The following RERE variants were observed in gnomAD, a reference collection of about 807,000 sequenced individuals.
RERE encodes the protein arginine-glutamic acid dipeptide repeats protein.
Under a neutral mutation model 146.1 loss-of-function variants are expected in RERE, and 40 were observed. The observed-to-expected ratio is 0.27, with a 90% CI of 0.21 to 0.36. The LOEUF (loss-of-function observed/expected upper bound fraction) is 0.36. RERE is among the 10% of genes least tolerant of loss of function. The pLI, the probability that RERE is intolerant of heterozygous loss-of-function variation, is 1.00. For missense variants in RERE, 1,933 were observed against 2,138.7 expected (o/e 0.90, Z 1.90); for synonymous variants, 1,003 against 866.0 (o/e 1.16, Z -2.78).
intron 11 of RERE, among the ~76,000 whole-genome samples, chr1:8,441,836 TTCA>T (rs1557634087): frequency 6.6e-6 from 1 of 152,224 alleles, no homozygotes; most frequent in East Asian, 1.9e-4. Flanking sequence ...TTTCGTTGTT[TTCA>T]TCAACTGTGC....
chr1:8,357,735 G>A (rs1480133428), intron 20 of RERE, among the ~76,000 whole-genome samples: 6 of 152,216 alleles, frequency 3.9e-5, no homozygotes, highest in Admixed American at 2.6e-4. Flanking sequence ...GGGTCAGCTC[G>A]GAAAACTCAG....
At chr1:8,633,137 T>G (rs1242238793) in intron 2 of RERE, among the ~76,000 whole-genome samples, 4 of 152,190 alleles carry the variant, frequency 2.6e-5, no homozygotes, top group Non-Finnish European at 5.9e-5. Context: ...AATTTACTTA[T>G]GGCCAAGCTT....
At chr1:8,401,030 A>AC (rs1273331581) in intron 12 of RERE, among the ~76,000 whole-genome samples, 1 of 40,844 alleles carries the variant, frequency 2.4e-5, no homozygotes, top group Non-Finnish European at 6.1e-5. Context: ...AAAAAAAAAA[A>AC]AAAAAACCAT....
At chr1:8,751,828 C>T (rs781461052) in intron 1 of RERE, among the ~76,000 whole-genome samples, 6 of 149,782 alleles carry the variant, frequency 4.0e-5, no homozygotes, top group Non-Finnish European at 8.9e-5. Flanking sequence ...ATATGCAAGG[C>T]ACCAAAGAAA....
chr1:8,371,398 A>C (rs1642030085), intron 12 of RERE, among the ~76,000 whole-genome samples: 2 of 152,216 alleles, frequency 1.3e-5, no homozygotes, highest in South Asian at 4.1e-4. Context: ...TTAATTTCCC[A>C]CAAAAAGAAA....
At chr1:8,434,017 G>GA (rs1376577585) in intron 11 of RERE, among the ~76,000 whole-genome samples, 1 of 152,136 alleles carries the variant, frequency 6.6e-6, no homozygotes, top group East Asian at 1.9e-4. Flanking sequence ...GAGCACTTGG[G>GA]AAGGTAGATC....
At chr1:8,373,617 C>T (rs755374984) in intron 12 of RERE, among the ~76,000 whole-genome samples, 71 of 152,272 alleles carry the variant, frequency 4.7e-4, no homozygotes, top group Non-Finnish European at 7.8e-4. Context: ...CCCTGAGAGC[C>T]GGTCCCAGGA....
intron 7 of RERE, among the ~76,000 whole-genome samples, chr1:8,515,771 A>T (rs373889273): frequency 6.6e-6 from 1 of 152,268 alleles, no homozygotes; most frequent in African/African-American, 2.4e-5. Context: ...AAAAATCCAG[A>T]CCAAAGGCAG....
intron 4 of RERE, among the ~76,000 whole-genome samples, chr1:8,580,388 A>C (rs1349823711): frequency 1.3e-5 from 2 of 152,332 alleles, no homozygotes; most frequent in East Asian, 1.9e-4. Context: ...GTGAAAGCAA[A>C]TGTGAAAGCT....
intron 2 of RERE, among the ~76,000 whole-genome samples, chr1:8,643,758 G>A (rs1007902154): frequency 5.9e-5 from 9 of 152,182 alleles, no homozygotes; most frequent in South Asian, 2.1e-4. Flanking sequence ...TAATGTTAGC[G>A]TGTGCCTCTC....
chr1:8,360,908 C>T lies in RERE; in HGVS notation c.2599G>A (p.Gly867Ser). Residue 867 changes from glycine (G) to serine (S), a missense_variant, in exon 18 of 23, where the codon GGC (glycine) becomes AGC (serine). By Grantham distance (56) the Gly-to-Ser change is moderately conservative (BLOSUM62 0). This residue lies in a region of RERE where 1,255 missense variants were observed against 1,153.8 expected (regional missense o/e 1.09). Coordinates refer to ENST00000400908, the MANE Select transcript of RERE (RefSeq NM_001042681.2). ...GGGAGGCCAAAGGGCTGTGGGGGGC[C>T]TGGGTGCTGCAGCAGGGGCCCAGCC... ...LQAGPLLQHP[G>S]PPQPFGLPPQ... is the part of the protein sequence containing the mutation. 2.0e-6 allele frequency: 3 copies of T among 1,491,956 alleles called. No individual in the cohort carries two copies. Among genetic ancestry groups the T allele is most frequent in the Non-Finnish European group, 2.7e-6 (3 of 1,127,712 alleles). The allele number at this position is 1,491,956 out of a possible 1,614,324, so 92.4% of individuals were successfully genotyped here.
At chr1:8,490,873 T>C (rs1644971277) in intron 10 of RERE, among the ~76,000 whole-genome samples, 1 of 149,938 alleles carries the variant, frequency 6.7e-6, no homozygotes, top group Non-Finnish European at 1.5e-5. Flanking sequence ...GACATTATAG[T>C]AGTTTCACAG....
intron 4 of RERE, among the ~76,000 whole-genome samples, chr1:8,605,837 A>T (rs1646701223): frequency 9.3e-6 from 1 of 107,556 alleles, no homozygotes; most frequent in Non-Finnish European, 1.8e-5. Flanking sequence ...TAAGTGTTAA[A>T]TACCAAACTT....
intron 8 of RERE, among the ~76,000 whole-genome samples, chr1:8,503,414 T>C (rs1225454615): frequency 6.6e-6 from 1 of 152,114 alleles, no homozygotes; most frequent in Non-Finnish European, 1.5e-5. Flanking sequence ...AACATCAAAA[T>C]CTATATGCAC....
intron 11 of RERE, among the ~76,000 whole-genome samples, chr1:8,453,295 G>C (rs1215801040): frequency 6.6e-6 from 1 of 152,134 alleles, no homozygotes; most frequent in East Asian, 1.9e-4. Flanking sequence ...GGACTGAACT[G>C]AGCAGTAGGA....
chr1:8,507,765 G>A (rs1239288873), intron 8 of RERE, among the ~76,000 whole-genome samples: 2 of 74,006 alleles, frequency 2.7e-5, no homozygotes, highest in Non-Finnish European at 4.9e-5. Flanking sequence ...TTGAGACAGA[G>A]TCTTGCTCTG....
intron 2 of RERE, among the ~76,000 whole-genome samples, chr1:8,629,286 G>C (rs566480830): frequency 7.9e-5 from 12 of 152,266 alleles, no homozygotes; most frequent in African/African-American, 2.9e-4. Context: ...ATGGATCACA[G>C]GATTAAGTGA....
At chr1:8,507,756 T>TTTTTTTTGG (rs1645275450) in intron 8 of RERE, among the ~76,000 whole-genome samples, 1 of 146,550 alleles carries the variant, frequency 6.8e-6, no homozygotes, top group Non-Finnish European at 1.5e-5. Context: ...TTTTTTTTTT[T>TTTTTTTTGG]GAGACAGAGT....
At chr1:8,582,407 CTT>C (rs1646377959) in intron 4 of RERE, among the ~76,000 whole-genome samples, 1 of 148,116 alleles carries the variant, frequency 6.8e-6, no homozygotes, top group African/African-American at 2.5e-5. Context: ...TCTTTAAAAA[CTT>C]TTTTTCTTTT....
Sources: allele counts gnomAD v4.1 joint callset (sites outside exome capture counted in the v4.1 genomes callset), GRCh38; gene constraint gnomAD v4.1.1; regional missense constraint gnomAD v4.1.1; transcripts MANE v1.5; gene names NCBI Gene and HGNC (gene_info 2026-07-23, HGNC 2026-07-21).